EMILIN2: variants seen among roughly 807,000 people sequenced by gnomAD.
EMILIN2 encodes the protein elastin microfibril interfacer 2.
A neutral mutation model predicts 87.1 loss-of-function variants in EMILIN2; 71 were observed. That is an observed-to-expected ratio of 0.82 (90% CI 0.67 to 0.99). The LOEUF is 0.99. Ranked by LOEUF, EMILIN2 falls within the 50% of genes least tolerant of loss-of-function variation. The pLI, the probability that EMILIN2 is intolerant of heterozygous loss-of-function variation, is 0.00. For missense variants in EMILIN2, 1,407 were observed against 1,371.8 expected (o/e 1.03, Z -0.40); for synonymous variants, 581 against 563.4 (o/e 1.03, Z -0.44).
rs1480584087 is a variant in EMILIN2, at chr18:2,894,664, AAAACATTATCCCT to A, written c.2359+2179_2359+2191del. Among the ~76,000 whole-genome samples, 4 of 152,246 alleles carry A rather than the reference AAAACATTATCCCT, an allele frequency of 2.6e-5. No homozygotes were observed. Among genetic ancestry groups the A allele is most frequent in the Non-Finnish European group, 4.4e-5 (3 of 68,052 alleles). ...TCTTTTAAAAGAGAATGTGCCATAC[AAAACATTATCCCT>A]TTGGACTGAACTCATTGTGGTGAGT... On this transcript the variant is annotated intron_variant, in intron 4 of 7. Transcript: ENST00000254528. The surrounding 1 kb of genome is among the most constrained non-coding windows in gnomAD (Gnocchi z 5.0).
chr18:2,896,175 AATAT>A (rs1256811040), intron 4 of EMILIN2, among the ~76,000 whole-genome samples: 4 of 151,872 alleles, frequency 2.6e-5, no homozygotes, highest in African/African-American at 9.7e-5. Flanking sequence ...TGAATAAATA[AATAT>A]ATATAATTGT....
chr18:2,859,487 A>G (rs1021355495), intron 2 of EMILIN2, among the ~76,000 whole-genome samples: 1 of 152,202 alleles, frequency 6.6e-6, no homozygotes, highest in East Asian at 1.9e-4. Context: ...TCAGATGTAT[A>G]GACTGTGAAG....
intron 2 of EMILIN2, among the ~76,000 whole-genome samples, chr18:2,875,404 C>A (rs543130252): frequency 1.3e-5 from 2 of 152,324 alleles, no homozygotes; most frequent in Admixed American, 1.3e-4. Flanking sequence ...TTCTGTGATT[C>A]TGCCTCCAGG....
At chr18:2,893,186 G>A (rs886071822) in intron 4 of EMILIN2, among the ~76,000 whole-genome samples, 2 of 152,214 alleles carry the variant, frequency 1.3e-5, no homozygotes, top group Non-Finnish European at 2.9e-5. Flanking sequence ...AATATTATCT[G>A]TAGAATCAGG....
chr18:2,886,781 T>G (rs915587331), intron 3 of EMILIN2, among the ~76,000 whole-genome samples: 13 of 152,220 alleles, frequency 8.5e-5, no homozygotes, highest in African/African-American at 3.1e-4. Flanking sequence ...TTGCTTAGTT[T>G]TCTCTCTTTT....
chr18:2,909,036 C>T, intron 6 of EMILIN2, 61 bp downstream of exon 6: 4 of 1,583,260 alleles, frequency 2.5e-6, no homozygotes, highest in Non-Finnish European at 3.5e-6. Context: ...TCTGCCCCTC[C>T]TCTGCATCTC....
chr18:2,883,055 C>T (rs2076785000), intron 2 of EMILIN2, among the ~76,000 whole-genome samples: 1 of 152,070 alleles, frequency 6.6e-6, no homozygotes, highest in Non-Finnish European at 1.5e-5. Flanking sequence ...ACAAAAAACA[C>T]AACAAAAACC....
intron 7 of EMILIN2, among the ~76,000 whole-genome samples, chr18:2,912,464 G>A (rs1233039391): frequency 2.0e-5 from 3 of 152,218 alleles, no homozygotes; most frequent in South Asian, 2.1e-4. Context: ...GGCATTTGGT[G>A]TTGGCACTGA....
chr18:2,890,886 C>A lies in EMILIN2; in HGVS notation c.759C>A (p.Asn253Lys). The A allele has an allele frequency of 6.2e-7, 1 of 1,613,918 alleles. No individual in the cohort carries two copies. Among genetic ancestry groups the A allele is most frequent in the Non-Finnish European group, 8.5e-7 (1 of 1,180,028 alleles). Residue 253 changes from asparagine to lysine, a missense_variant, in exon 4 of 8, where the codon AAC (asparagine) becomes AAA (lysine). Coordinates refer to ENST00000254528, the MANE Select transcript of EMILIN2 (RefSeq NM_032048.3). The surrounding 1 kb of genome is among the most constrained non-coding windows in gnomAD (Gnocchi z 4.7). Reference sequence around the variant, plus strand: ...CGGGCCAGAGTCCTGGTGTCTTCAACACTAAGGAATCTGGCATGAAGGACA... The same window carrying A: ...CGGGCCAGAGTCCTGGTGTCTTCAAAACTAAGGAATCTGGCATGAAGGACA... Reference protein sequence around the residue: ...TETGQSPGVFNTKESGMKDIK... With the variant: ...TETGQSPGVFKTKESGMKDIK...
intron 2 of EMILIN2, among the ~76,000 whole-genome samples, chr18:2,872,177 T>G (rs1440341918): frequency 6.6e-6 from 1 of 152,250 alleles, no homozygotes; most frequent in East Asian, 1.9e-4. Context: ...GGTGCCTGGG[T>G]ACCACCTGGT....
In EMILIN2 at chr18:2,869,786, T is replaced by TGTGTTTGTG. The variant is rs1568461094; in HGVS notation, c.258-15178_258-15177insGTGTTTGTG. On this transcript the variant is annotated intron_variant, in intron 2 of 7. Coordinates refer to ENST00000254528, the MANE Select transcript of EMILIN2 (RefSeq NM_032048.3). Reference sequence around the variant, plus strand: ...GATTCCTCTGTGTGTGTGTGTGTGTTTGTGTGTGTGTGTGTGTGTGTGTGT... The same window carrying TGTGTTTGTG: ...GATTCCTCTGTGTGTGTGTGTGTGTTGTGTTTGTGTGTGTGTGTGTGTGTGTGTGTGTGT... Among the ~76,000 whole-genome samples, 3 of 59,160 alleles carry TGTGTTTGTG rather than the reference T, an allele frequency of 5.1e-5. No homozygotes were observed. In the South Asian group the frequency reaches 1.2e-3, roughly 23 times the overall value. 38.8% of individuals were successfully genotyped at this position (59,160 alleles called of 152,430 possible).
intron 2 of EMILIN2, among the ~76,000 whole-genome samples, chr18:2,855,287 C>T (rs1267971855): frequency 6.6e-6 from 1 of 152,190 alleles, no homozygotes; most frequent in African/African-American, 2.4e-5. Context: ...CAGGGCCCTT[C>T]GGCATTTCCA....
chr18:2,869,782 GTGTT>G (rs1350538408), intron 2 of EMILIN2, among the ~76,000 whole-genome samples: 1,235 of 33,838 alleles, frequency 0.036, 13 homozygotes, highest in African/African-American at 0.11. Flanking sequence ...GTGTGTGTGT[GTGTT>G]TGTGTGTGTG....
chr18:2,858,535 A>G lies in EMILIN2; in HGVS notation c.257+10604A>G, dbSNP rs1277328970. ...GTAGTATTCCATCATATATATATAT[A>G]TATATATATATATATATATATATAT... On this transcript the variant is annotated intron_variant, in intron 2 of 7. Coordinates refer to ENST00000254528, the MANE Select transcript of EMILIN2 (RefSeq NM_032048.3). Among the ~76,000 whole-genome samples, 11 of 31,458 alleles carry G rather than the reference A, an allele frequency of 3.5e-4. 1 individual carries two copies. Among genetic ancestry groups the G allele is most frequent in the Middle Eastern group, 0.034 (2 of 58 alleles). The allele number at this position is 31,458 out of a possible 152,430, so 20.6% of individuals were successfully genotyped here.
chr18:2,891,289 C>T lies in EMILIN2; in HGVS notation c.1162C>T (p.Gln388Ter). 2 of 1,614,188 alleles carry T rather than the reference C, an allele frequency of 1.2e-6. No homozygotes were observed. Among genetic ancestry groups the T allele is most frequent in the Non-Finnish European group, 1.7e-6 (2 of 1,180,042 alleles). ...AATAAATAACCTCCGAGCCCGGCTA[C>T]AGGAGCCTTCAGCCCAGGCAAATTG... is the stretch of plus-strand genomic sequence containing the variant. Reference protein sequence around the residue: ...KEINNLRARLQEPSAQANCCD... With the variant: ...KEINNLRARL Residue 388 changes from glutamine to a stop codon, truncating the protein, a stop_gained, in exon 4 of 8, where the codon CAG (glutamine) becomes TAG (stop). Coordinates refer to ENST00000254528, the MANE Select transcript of EMILIN2 (RefSeq NM_032048.3). LOFTEE classifies it high-confidence loss of function. This position sits in a 1 kb window ranked among gnomAD's most constrained non-coding sequence, Gnocchi z 4.6.
chr18:2,877,377 T>G (rs1291804805), intron 2 of EMILIN2, among the ~76,000 whole-genome samples: 2 of 152,166 alleles, frequency 1.3e-5, no homozygotes, highest in African/African-American at 4.8e-5. Flanking sequence ...AAGCCCTCTT[T>G]TTTTTTCTCA....
chr18:2,847,414 G>A lies in EMILIN2; in HGVS notation c.134+92G>A. ...AGCTGCCCTGCCAAAGACGACGAGC[G>A]GCAGCCGGGGGCCTCCCTTGGACTT... On this transcript the variant is annotated intron_variant, in intron 1 of 7. Transcript: ENST00000254528. The surrounding 1 kb of genome is among the most constrained non-coding windows in gnomAD (Gnocchi z 4.5). The A allele has an allele frequency of 8.5e-7, 1 of 1,173,646 alleles. No individual in the cohort carries two copies. The highest frequency in any genetic ancestry group is 1.1e-6 in the Non-Finnish European group (1 of 938,718). The allele number at this position is 1,173,646 out of a possible 1,614,324, so 72.7% of individuals were successfully genotyped here.
chr18:2,890,943 T>A lies in EMILIN2; in HGVS notation c.816T>A (p.Thr272=). The change falls in exon 4 of 8, where the codon ACT becomes ACA. Residue 272 remains threonine (T), a synonymous_variant. Coordinates refer to ENST00000254528, the MANE Select transcript of EMILIN2 (RefSeq NM_032048.3). This position sits in a 1 kb window ranked among gnomAD's most constrained non-coding sequence, Gnocchi z 4.7. ...IKSELAEVKD[T]LKNKSDKLEE... ...CTGAATTGGCTGAAGTCAAAGATAC[T>A]CTAAAGAACAAAAGTGACAAGCTGG... The A allele has an allele frequency of 1.2e-6, 2 of 1,614,030 alleles. No individual in the cohort carries two copies. The highest frequency in any genetic ancestry group is 2.2e-5 in the South Asian group (2 of 91,082).
intron 4 of EMILIN2, 74 bp downstream of exon 4, chr18:2,892,560 G>T (rs932343903): frequency 6.7e-7 from 1 of 1,494,898 alleles, no homozygotes; most frequent in African/African-American, 1.4e-5. Flanking sequence ...ATAATTTTTT[G>T]TTCATTTTTG....
Sources: gnomAD v4.1 joint callset for allele counts (sites outside exome capture counted in the v4.1 genomes callset) on GRCh38, gnomAD v4.1.1 for gene constraint, Gnocchi (gnomAD v3.1) non-coding constraint, MANE v1.5 for transcripts, NCBI Gene and HGNC (gene_info 2026-07-23, HGNC 2026-07-21) for gene names.